The following PTPRN2 variants were observed in gnomAD, a reference collection of about 807,000 sequenced individuals.
The protein encoded by PTPRN2 is receptor-type tyrosine-protein phosphatase N2.
In PTPRN2, 74 loss-of-function variants were observed where a neutral mutation model predicts 118.8. The observed-to-expected ratio is 0.62, with a 90% CI of 0.52 to 0.76. PTPRN2 has a LOEUF of 0.76. Ranked by LOEUF, PTPRN2 falls within the 30% of genes least tolerant of loss-of-function variation. PTPRN2 has a pLI of 0.00. For missense variants in PTPRN2, 1,481 were observed against 1,394.4 expected, an observed-to-expected ratio of 1.06 and a Z score of -0.99; for synonymous variants, 641 against 608.0, an observed-to-expected ratio of 1.05 and a Z score of -0.80.
chr7:158,479,409 C>T (rs1820502681), intron 2 of PTPRN2, among the ~76,000 whole-genome samples: 1 of 152,138 alleles, frequency 6.6e-6, no homozygotes, highest in African/African-American at 2.4e-5. Context: ...CTGGAGGAAG[C>T]AGAGTGAACG....
At chr7:158,579,194 CT>C (rs1828503301) in intron 1 of PTPRN2, among the ~76,000 whole-genome samples, 1 of 152,198 alleles carries the variant, frequency 6.6e-6, no homozygotes. Context: ...TTGATGTAAC[CT>C]GTTTGGATAT....
intron 2 of PTPRN2, among the ~76,000 whole-genome samples, chr7:158,328,048 C>T (rs1001835584): frequency 6.6e-6 from 1 of 152,224 alleles, no homozygotes; most frequent in African/African-American, 2.4e-5. Flanking sequence ...AGAAAAAGCC[C>T]TTTATCTGAA....
At chr7:157,866,907 C>T (rs1177167022) in intron 12 of PTPRN2, among the ~76,000 whole-genome samples, 3 of 108,644 alleles carry the variant, frequency 2.8e-5, no homozygotes, top group Admixed American at 8.9e-5. Flanking sequence ...ACCCCGCCCC[C>T]GACGCCCTGG....
intron 2 of PTPRN2, among the ~76,000 whole-genome samples, chr7:158,352,985 G>A (rs1447250677): frequency 2.0e-5 from 3 of 152,222 alleles, no homozygotes; most frequent in Admixed American, 6.5e-5. Context: ...CCAGACACTC[G>A]CTCCTATTCC....
In PTPRN2 at chr7:158,167,033, G is replaced by A. The variant is rs374277702; in HGVS notation, c.808C>T (p.Arg270Cys). 48 of 1,529,556 alleles carry A rather than the reference G, an allele frequency of 3.1e-5. No individual in the cohort carries two copies. Among genetic ancestry groups the A allele is most frequent in the East Asian group, 4.8e-5 (2 of 41,754 alleles). The allele number at this position is 1,529,556 out of a possible 1,614,324, so 94.7% of individuals were successfully genotyped here. A position where few individuals can be genotyped will look rare whatever the true frequency, so the allele number is the denominator to read the frequency against. The stretch of plus-strand genomic sequence containing the variant: ...GGCCTGGGCATTCTTGAGGGTGCAC[G>A]CAGAAGGTACTGTGGCTCCAGGCTG... ...EGSLEPQYLL[R>C]APSRMPRPLL... Residue 270 changes from arginine to cysteine, a missense_variant, in exon 6 of 23, where the codon CGT (arginine) becomes TGT (cysteine). Physicochemically the swap from Arg to Cys is radical, Grantham distance 180. Coordinates refer to ENST00000389418, the MANE Select transcript of PTPRN2 (RefSeq NM_002847.5).
rs73513255 is a variant in PTPRN2, at chr7:157,830,686, C to T, written c.1788+67987G>A. ...CCAGGCCACAGGATATCCCACAGGACAAGCCTGGTTTCTCTAACAATTGCA... is the reference window on the plus strand; with the variant it reads ...CCAGGCCACAGGATATCCCACAGGATAAGCCTGGTTTCTCTAACAATTGCA... On this transcript the variant is annotated intron_variant, in intron 12 of 22. Coordinates refer to ENST00000389418, the MANE Select transcript of PTPRN2 (RefSeq NM_002847.5). Among the ~76,000 whole-genome samples, 1,296 of 152,340 alleles carry T rather than the reference C, an allele frequency of 8.5e-3. 12 individuals carry two copies. The highest frequency in any genetic ancestry group is 0.03 in the African/African-American group (1,233 of 41,560).
At chr7:158,030,309 C>T (rs532498092) in intron 11 of PTPRN2, 5 of 152,400 alleles carry the variant, frequency 3.3e-5, no homozygotes, top group East Asian at 1.9e-4. Context: ...CCCGAGAACC[C>T]GCAGGATGAG....
At chr7:157,770,457 GT>G (rs1172690499) in intron 12 of PTPRN2, among the ~76,000 whole-genome samples, 10 of 152,226 alleles carry the variant, frequency 6.6e-5, no homozygotes, top group African/African-American at 2.4e-4. Context: ...GCTTTCTGCT[GT>G]TGTCAGGCCC....
Position 157,670,210 on chromosome 7 carries a change from G to A in PTPRN2, c.2001+12515C>T, listed in dbSNP as rs188099392. Among the ~76,000 whole-genome samples the A allele has an allele frequency of 1.4e-3, 213 of 152,296 alleles. 1 individual carries two copies. Among genetic ancestry groups the A allele is most frequent in the African/African-American group, 4.8e-3 (198 of 41,572 alleles). On this transcript the variant is annotated intron_variant, in intron 13 of 22. Coordinates refer to ENST00000389418, the MANE Select transcript of PTPRN2 (RefSeq NM_002847.5). ...AGCCCCTGGTGGGTGGCTGGGAAAC[G>A]CAGGTGCTCCACGTGAAGCACAGAA... is the stretch of plus-strand genomic sequence containing the variant.
intron 11 of PTPRN2, among the ~76,000 whole-genome samples, chr7:157,907,986 G>A (rs1044536610): frequency 1.3e-5 from 2 of 152,140 alleles, no homozygotes; most frequent in East Asian, 3.9e-4. Context: ...TCTGTCCCCC[G>A]TGACCCCAGC....
chr7:158,480,897 T>C (rs1227708003), intron 2 of PTPRN2, among the ~76,000 whole-genome samples: 3 of 152,232 alleles, frequency 2.0e-5, no homozygotes, highest in Non-Finnish European at 4.4e-5. Flanking sequence ...GTCATCTCCA[T>C]AACATAACAG....
intron 12 of PTPRN2, among the ~76,000 whole-genome samples, chr7:157,765,909 C>T (rs1802443995): frequency 6.7e-6 from 1 of 150,176 alleles, no homozygotes; most frequent in South Asian, 2.1e-4. Flanking sequence ...CCCACCCATC[C>T]ATCCATCATC....
At chr7:157,803,304 G>A (rs1443599910) in intron 12 of PTPRN2, among the ~76,000 whole-genome samples, 1 of 152,108 alleles carries the variant, frequency 6.6e-6, no homozygotes, top group Non-Finnish European at 1.5e-5. Context: ...TCCGTTATGT[G>A]GTATGCAAAT....
At chr7:157,824,250 C>A (rs1405464724) in intron 12 of PTPRN2, among the ~76,000 whole-genome samples, 1 of 152,084 alleles carries the variant, frequency 6.6e-6, no homozygotes, top group South Asian at 2.1e-4. Flanking sequence ...GAGTCACCCT[C>A]CTGAAGGTAG....
At chr7:157,901,802 C>G (rs1231657765) in intron 11 of PTPRN2, among the ~76,000 whole-genome samples, 1 of 95,756 alleles carries the variant, frequency 1.0e-5, no homozygotes, top group African/African-American at 4.0e-5. Context: ...TTTCCTGGGT[C>G]CTGAGGCGGG....
intron 11 of PTPRN2, among the ~76,000 whole-genome samples, chr7:158,018,803 A>C (rs893580434): frequency 3.9e-5 from 6 of 152,032 alleles, no homozygotes; most frequent in Non-Finnish European, 7.4e-5. Context: ...TCTACTAAAA[A>C]TACAAAAATT....
chr7:158,071,140 C>G (rs868091543), intron 11 of PTPRN2, among the ~76,000 whole-genome samples: 1 of 39,266 alleles, frequency 2.5e-5, no homozygotes, highest in African/African-American at 1.6e-4. Context: ...TGGAGGTGCT[C>G]GTGGTGGTGG....
chr7:158,166,809 C>G (rs17847415), intron 6 of PTPRN2, 122 bp downstream of exon 6: 3 of 1,245,544 alleles, frequency 2.4e-6, no homozygotes, highest in Non-Finnish European at 3.1e-6. Flanking sequence ...TCCTGCCACG[C>G]GTCCTCGGGG....
Position 157,828,855 on chromosome 7 carries a change from G to A in PTPRN2, c.1788+69818C>T, listed in dbSNP as rs11763841. Among the ~76,000 whole-genome samples the A allele has an allele frequency of 3.7e-3, 570 of 152,350 alleles. 1 individual carries two copies. The highest frequency in any genetic ancestry group is 6.2e-3 in the Non-Finnish European group (423 of 68,042). ...AACAACGCCACTCAGTTTTATTTGC[G>A]TAACCCCCTATAAAAGTGACCTCCA... On this transcript the variant is annotated intron_variant, in intron 12 of 22. Transcript: ENST00000389418.
Sources: gnomAD v4.1 joint callset for allele counts (sites outside exome capture counted in the v4.1 genomes callset) on GRCh38, gnomAD v4.1.1 for gene constraint, MANE v1.5 for transcripts, NCBI Gene and HGNC (gene_info 2026-07-23, HGNC 2026-07-21) for gene names.